The following HPCAL4 variants were observed in gnomAD, a reference collection of about 807,000 sequenced individuals.
The protein encoded by HPCAL4 is hippocalcin-like protein 4.
Under a neutral mutation model 18.2 loss-of-function variants are expected in HPCAL4, and 16 were observed. The observed-to-expected ratio is 0.88, with a 90% CI of 0.59 to 1.33. HPCAL4 has a LOEUF of 1.33. Ranked by LOEUF, HPCAL4 falls within the 40% of genes most tolerant of loss-of-function variation. The pLI, the probability that HPCAL4 is intolerant of heterozygous loss-of-function variation, is 0.00. For missense variants in HPCAL4, 214 were observed against 256.6 expected (o/e 0.83, Z 1.14); for synonymous variants, 80 against 97.5 (o/e 0.82, Z 1.06).
At chr1:39,690,444 C>G (rs989225175) in intron 1 of HPCAL4, among the ~76,000 whole-genome samples, 1 of 152,156 alleles carries the variant, frequency 6.6e-6, no homozygotes, top group Non-Finnish European at 1.5e-5. Flanking sequence ...CACGGAGCAG[C>G]AGGAAGGTGG....
intron 1 of HPCAL4, among the ~76,000 whole-genome samples, chr1:39,685,650 T>C (rs541601653): frequency 1.0e-3 from 155 of 149,998 alleles, no homozygotes; most frequent in African/African-American, 3.5e-3. Context: ...GAGGCCAAGG[T>C]GGGTGGATCA....
rs1384877855 is a variant in HPCAL4, at chr1:39,680,063, G to A, written c.*2473C>T. On this transcript the variant is annotated 3_prime_UTR_variant, in exon 4 of 4. Transcript: ENST00000372844. The stretch of plus-strand genomic sequence containing the variant: ...GGCAGAACACTGAGTGCTTGAAAAT[G>A]TGGGGACTTCAACCAAGCTCCTATT... The A allele has an allele frequency of 6.5e-6, 1 of 152,678 alleles. No individual in the cohort carries two copies. Among genetic ancestry groups the A allele is most frequent in the African/African-American group, 2.4e-5 (1 of 41,464 alleles). 9.5% of individuals were successfully genotyped at this position (152,678 alleles called of 1,614,324 possible). A position where few individuals can be genotyped will look rare whatever the true frequency, so the allele number is the denominator to read the frequency against.
intron 1 of HPCAL4, among the ~76,000 whole-genome samples, chr1:39,685,799 C>G (rs1009776199): frequency 2.6e-5 from 4 of 151,128 alleles, no homozygotes; most frequent in East Asian, 2.0e-4. Context: ...AGAATGGCGT[C>G]AACCCAGGAG....
rs1036951980 is a variant in HPCAL4, at chr1:39,680,203, A to C, written c.*2333T>G. 1.0e-4 allele frequency: 16 copies of C among 152,560 alleles called. No homozygotes were observed. The highest frequency in any genetic ancestry group is 3.6e-4 in the African/African-American group (15 of 41,458). The allele number at this position is 152,560 out of a possible 1,614,324, so 9.5% of individuals were successfully genotyped here. A position where few individuals can be genotyped will look rare whatever the true frequency, so the allele number is the denominator to read the frequency against. On this transcript the variant is annotated 3_prime_UTR_variant, in exon 4 of 4. Transcript: ENST00000372844. ...GCACAGCTTAGTCACAGAAATGGAC[A>C]GGGAAGAGACTCTGAAAAGAAGAAA...
chr1:39,688,211 C>A (rs1318047846), intron 1 of HPCAL4, among the ~76,000 whole-genome samples: 1 of 152,172 alleles, frequency 6.6e-6, no homozygotes, highest in Non-Finnish European at 1.5e-5. Context: ...TCTGGGGCCA[C>A]AATCTCTGAC....
rs1646617838 is a variant in HPCAL4, at chr1:39,680,731, G to A, written c.*1805C>T. 4 of 152,158 alleles carry A rather than the reference G, an allele frequency of 2.6e-5. No individual in the cohort carries two copies. In the South Asian group the frequency reaches 8.3e-4, roughly 32 times the overall value. 9.4% of individuals were successfully genotyped at this position (152,158 alleles called of 1,614,324 possible). A position where few individuals can be genotyped will look rare whatever the true frequency, so the allele number is the denominator to read the frequency against. ...AGCAACCCAGTGGTTGCAAACCAGT[G>A]GTTGCTATCCCCAGCAAGAGGATAG... On this transcript the variant is annotated 3_prime_UTR_variant, in exon 4 of 4. Transcript: ENST00000372844.
At position 39,681,842 on chromosome 1, in the gene HPCAL4, T is replaced by C. The variant is rs1397681499; in HGVS notation, c.*694A>G. The C allele has an allele frequency of 6.6e-6, 1 of 152,520 alleles. No individual in the cohort carries two copies. The highest frequency in any genetic ancestry group is 2.4e-5 in the African/African-American group (1 of 41,464). The allele number at this position is 152,520 out of a possible 1,614,324, so 9.4% of individuals were successfully genotyped here. A position where few individuals can be genotyped will look rare whatever the true frequency, so the allele number is the denominator to read the frequency against. Reference sequence around the variant, plus strand: ...TTTTCATTTCGTCCTTCTGCAGCTTTGTGTGGAGCTGAGCTGGAAGATGAA... The same window carrying C: ...TTTTCATTTCGTCCTTCTGCAGCTTCGTGTGGAGCTGAGCTGGAAGATGAA... On this transcript the variant is annotated 3_prime_UTR_variant, in exon 4 of 4. Coordinates refer to ENST00000372844, the MANE Select transcript of HPCAL4 (RefSeq NM_016257.4).
intron 2 of HPCAL4, 27 bp downstream of exon 2, chr1:39,684,415 C>G: frequency 6.4e-7 from 1 of 1,572,114 alleles, no homozygotes; most frequent in Non-Finnish European, 8.6e-7. Context: ...GTACTTGGCT[C>G]CCTCACACCA....
intron 3 of HPCAL4, among the ~76,000 whole-genome samples, chr1:39,683,255 A>G (rs1282522894): frequency 6.6e-6 from 1 of 152,222 alleles, no homozygotes; most frequent in Non-Finnish European, 1.5e-5. Flanking sequence ...AACTCCGTGG[A>G]GACCTTACTG....
At chr1:39,683,024 C>G (rs1646640522) in intron 3 of HPCAL4, among the ~76,000 whole-genome samples, 1 of 152,098 alleles carries the variant, frequency 6.6e-6, no homozygotes, top group Admixed American at 6.5e-5. Context: ...GCTGGGATTA[C>G]AGGCATGCAC....
intron 1 of HPCAL4, among the ~76,000 whole-genome samples, chr1:39,688,466 T>C (rs1646694154): frequency 1.3e-5 from 2 of 152,202 alleles, no homozygotes; most frequent in Admixed American, 1.3e-4. Context: ...GTACCTTCAT[T>C]ATGTCCATAG....
rs1646616123 is a variant in HPCAL4 at position 39,680,562 on chromosome 1, A to G, written c.*1974T>C. On this transcript the variant is annotated 3_prime_UTR_variant, in exon 4 of 4. Transcript: ENST00000372844. ...GTCTGTGATGCTGACTGACCGCACA[A>G]GACATACCTAATAGCCAGTTCCTGG... 1 of 152,224 alleles carries G rather than the reference A, an allele frequency of 6.6e-6. No individual in the cohort carries two copies. Among genetic ancestry groups the G allele is most frequent in the Non-Finnish European group, 1.5e-5 (1 of 68,044 alleles). 9.4% of individuals were successfully genotyped at this position (152,224 alleles called of 1,614,324 possible).
Position 39,680,632 on chromosome 1 carries a change from A to G in HPCAL4, c.*1904T>C, listed in dbSNP as rs1646616788. 6.6e-6 allele frequency: 1 copy of G among 152,196 alleles called. No individual in the cohort carries two copies. The highest frequency in any genetic ancestry group is 2.1e-4 in the South Asian group (1 of 4,828). The allele number at this position is 152,196 out of a possible 1,614,324, so 9.4% of individuals were successfully genotyped here. A position where few individuals can be genotyped will look rare whatever the true frequency, so the allele number is the denominator to read the frequency against. ...AGGCATTGCTGGATAAACAACTGCT[A>G]GTTCCTGCCTGAGGATGTGAACTCC... On this transcript the variant is annotated 3_prime_UTR_variant, in exon 4 of 4. Coordinates refer to ENST00000372844, the MANE Select transcript of HPCAL4 (RefSeq NM_016257.4).
At chr1:39,687,942 T>G (rs1471450242) in intron 1 of HPCAL4, among the ~76,000 whole-genome samples, 1 of 151,322 alleles carries the variant, frequency 6.6e-6, no homozygotes, top group Admixed American at 6.6e-5. Flanking sequence ...GAAAAGAAGG[T>G]CAAAACTGGC....
Position 39,682,277 on chromosome 1 carries a change from C to T in HPCAL4, c.*259G>A. On this transcript the variant is annotated 3_prime_UTR_variant, in exon 4 of 4. Transcript: ENST00000372844. The stretch of plus-strand genomic sequence containing the variant: ...ACCTCCTGGGGCAAAAGCCAACTCC[C>T]CTATGCCCAATGGACATTGGTTCTG... 2.0e-6 allele frequency: 1 copy of T among 502,958 alleles called. No homozygotes were observed. Among genetic ancestry groups the T allele is most frequent in the South Asian group, 2.2e-5 (1 of 45,310 alleles). The allele number at this position is 502,958 out of a possible 1,614,324, so 31.2% of individuals were successfully genotyped here.
chr1:39,682,931 T>G (rs1475708187), intron 3 of HPCAL4, among the ~76,000 whole-genome samples, 198 bp from the exon 4 acceptor site: 1 of 152,118 alleles, frequency 6.6e-6, no homozygotes, highest in African/African-American at 2.4e-5. Context: ...TTGCCCAGGA[T>G]GGAGTGCAAT....
At chr1:39,687,439 C>T (rs887975882) in intron 1 of HPCAL4, among the ~76,000 whole-genome samples, 6 of 152,206 alleles carry the variant, frequency 3.9e-5, no homozygotes, top group Admixed American at 3.9e-4. Context: ...TGAGAGTCAG[C>T]ATGAGGGGCT....
chr1:39,690,374 G>C lies in HPCAL4; in HGVS notation c.-9+932C>G, dbSNP rs181285170. 5.5e-4 allele frequency among the ~76,000 whole-genome samples: 84 copies of C among 152,320 alleles called. 1 individual carries two copies. The highest frequency in any genetic ancestry group is 5.2e-3 in the Admixed American group (79 of 15,304). ...TTGAACCCAGCTCATCTGCCCTCCA[G>C]GTATAGTTCACTTTAGGGCCAAGAG... On this transcript the variant is annotated intron_variant, in intron 1 of 3. Transcript: ENST00000372844.
intron 1 of HPCAL4, among the ~76,000 whole-genome samples, chr1:39,685,832 A>G (rs1331764195): frequency 1.4e-5 from 2 of 148,084 alleles, no homozygotes; most frequent in Admixed American, 1.4e-4. Context: ...GTGAGCTGAG[A>G]TCGCGCCACT....
Sources: allele counts gnomAD v4.1 joint callset (sites outside exome capture counted in the v4.1 genomes callset), GRCh38; gene constraint gnomAD v4.1.1; transcripts MANE v1.5; gene names NCBI Gene and HGNC (gene_info 2026-07-23, HGNC 2026-07-21).